Variants in MYCBP2 observed in about 807,000 individuals in gnomAD.
MYCBP2 encodes E3 ubiquitin-protein ligase MYCBP2.
MYCBP2 carries 120 observed loss-of-function variants against 525.3 expected under a neutral mutation model. The observed-to-expected ratio is 0.23, with a 90% confidence interval of 0.20 to 0.27. The LOEUF (loss-of-function observed/expected upper bound fraction) is 0.27. MYCBP2 is among the 10% of genes least tolerant of loss of function. The pLI, the probability that MYCBP2 is intolerant of heterozygous loss-of-function variation, is 1.00. For missense variants in MYCBP2, 4,149 were observed against 5,657.1 expected (o/e 0.73, Z 8.55); for synonymous variants, 1,894 against 1,955.8 (o/e 0.97, Z 0.83).
At chr13:77,086,264 T>C (rs1319249493) in intron 62 of MYCBP2, among the ~76,000 whole-genome samples, 1 of 152,168 alleles carries the variant, frequency 6.6e-6, no homozygotes, top group Non-Finnish European at 1.5e-5. Flanking sequence ...ACTGACAGCC[T>C]TTTAAACAAA....
intron 32 of MYCBP2, among the ~76,000 whole-genome samples, chr13:77,183,983 T>C (rs2060500983): frequency 6.6e-6 from 1 of 152,202 alleles, no homozygotes; most frequent in Non-Finnish European, 1.5e-5. Context: ...TTCTCTACTT[T>C]CTATTTCATT....
In MYCBP2 at chr13:77,098,030, C is replaced by A; in HGVS notation, c.9124G>T (p.Glu3042Ter). The change falls in exon 56 of 83, where the codon GAA becomes TAA. Residue 3042 changes from glutamate (E) to a stop codon, truncating the protein, a stop_gained. Coordinates refer to ENST00000544440, the MANE Select transcript of MYCBP2 (RefSeq NM_015057.5). LOFTEE classifies it high-confidence loss of function. The part of the protein sequence containing the change: ...RAVFASFLWH[E>*]GIVHDAMACS... The stretch of plus-strand genomic sequence containing the variant: ...GCCATTGCATCATGTACTATGCCTT[C>A]ATGCCAGAGGAAGGAAGCAAACACA... 6.2e-7 allele frequency: 1 copy of A among 1,613,646 alleles called. No individual in the cohort carries two copies. The highest frequency in any genetic ancestry group is 8.5e-7 in the Non-Finnish European group (1 of 1,179,790).
At chr13:77,048,037 A>C (rs1311706806) in intron 82 of MYCBP2, among the ~76,000 whole-genome samples, 1 of 151,786 alleles carries the variant, frequency 6.6e-6, no homozygotes, top group Non-Finnish European at 1.5e-5. Flanking sequence ...AGGACAAAGA[A>C]CTCCTGGCAT....
At chr13:77,226,630 G>A (rs2066314063) in intron 18 of MYCBP2, among the ~76,000 whole-genome samples, 1 of 152,074 alleles carries the variant, frequency 6.6e-6, no homozygotes, top group Non-Finnish European at 1.5e-5. Flanking sequence ...TATTTTCATT[G>A]TGCATTTTAG....
intron 55 of MYCBP2, among the ~76,000 whole-genome samples, chr13:77,120,950 GTAA>G (rs1272654438): frequency 4.6e-5 from 7 of 152,040 alleles, no homozygotes; most frequent in Non-Finnish European, 1.0e-4. Context: ...AAGCTCATGT[GTAA>G]TATTACTTAA....
intron 1 of MYCBP2, among the ~76,000 whole-genome samples, chr13:77,299,629 T>C (rs1274175028): frequency 1.3e-5 from 2 of 152,170 alleles, no homozygotes; most frequent in Non-Finnish European, 2.9e-5. Flanking sequence ...CCTTTCACAA[T>C]ATCTGAGGAT....
chr13:77,093,169 G>A lies in MYCBP2; in HGVS notation c.10363C>T (p.Pro3455Ser). The change falls in exon 59 of 83, where the codon CCA (proline) becomes TCA (serine). Residue 3455 changes from proline to serine, a missense_variant. By Grantham distance (74) the Pro-to-Ser change is moderately conservative. Transcript: ENST00000544440. ...EPESNMKSMP[P>S]SLETSPITDT... ...GACAGGAGAGAACTAAAATACCTTG[G>A]TGGCATAGACTTCATATTGCTCTCT... The A allele has an allele frequency of 1.2e-6, 2 of 1,607,090 alleles. No homozygotes were observed. Among genetic ancestry groups the A allele is most frequent in the South Asian group, 1.1e-5 (1 of 89,572 alleles).
At position 77,096,438 on chromosome 13, in the gene MYCBP2, C is replaced by T. The variant is rs554307705; in HGVS notation, c.9828G>A (p.Gly3276=). The part of the protein sequence containing the change: ...YAGGQGYNSI[G]HFCGGWAGNC... ...TACCAGCCCATCCTCCACAAAAATG[C>T]CCAATGCTATTGTAACCTTGTCCAC... Residue 3276 remains glycine (G), a synonymous_variant, in exon 57 of 83, where the codon GGG becomes GGA. Transcript: ENST00000544440. The T allele has an allele frequency of 1.2e-6, 2 of 1,613,338 alleles. No individual in the cohort carries two copies. Among genetic ancestry groups the T allele is most frequent in the South Asian group, 1.1e-5 (1 of 91,040 alleles).
intron 17 of MYCBP2, among the ~76,000 whole-genome samples, chr13:77,234,921 C>A (rs2067677913): frequency 6.6e-6 from 1 of 151,994 alleles, no homozygotes; most frequent in Non-Finnish European, 1.5e-5. Flanking sequence ...CACACCCACA[C>A]CCGTTTAATG....
chr13:77,260,939 C>G (rs989958586), intron 12 of MYCBP2, among the ~76,000 whole-genome samples: 1 of 152,072 alleles, frequency 6.6e-6, no homozygotes, highest in African/African-American at 2.4e-5. Context: ...TCTAAAATCT[C>G]CTTTTTTTCC....
intron 20 of MYCBP2, among the ~76,000 whole-genome samples, chr13:77,223,614 G>T (rs143427584): frequency 8.3e-4 from 126 of 152,304 alleles, no homozygotes; most frequent in African/African-American, 2.7e-3. Flanking sequence ...AGAAGCTGAT[G>T]AGGCAGTTCA....
chr13:77,274,640 G>A (rs920006270), intron 4 of MYCBP2, among the ~76,000 whole-genome samples: 1 of 152,094 alleles, frequency 6.6e-6, no homozygotes, highest in African/African-American at 2.4e-5. Context: ...CCCAAATTAA[G>A]TCCTGTTTAT....
chr13:77,294,135 T>TAC (rs1204446131), intron 2 of MYCBP2, among the ~76,000 whole-genome samples: 10 of 116,104 alleles, frequency 8.6e-5, no homozygotes, highest in Admixed American at 1.8e-4. Context: ...TATATACATA[T>TAC]ATATATACAT....
intron 52 of MYCBP2, among the ~76,000 whole-genome samples, chr13:77,130,109 C>A (rs1175425137): frequency 1.3e-5 from 2 of 151,624 alleles, no homozygotes; most frequent in African/African-American, 4.8e-5. Flanking sequence ...CTATATTTAT[C>A]TGATTTGAAA....
chr13:77,052,921 G>C (rs1424247406), intron 80 of MYCBP2, among the ~76,000 whole-genome samples: 1 of 152,162 alleles, frequency 6.6e-6, no homozygotes, highest in East Asian at 1.9e-4. Context: ...TTGAGCTCAG[G>C]AGTTCAAGAC....
chr13:77,215,568 T>C (rs187007527), intron 21 of MYCBP2, among the ~76,000 whole-genome samples: 1 of 152,286 alleles, frequency 6.6e-6, no homozygotes. Context: ...GGATTGGAAG[T>C]AGAAGTCACA....
chr13:77,178,814 A>T (rs1440224809), intron 34 of MYCBP2, among the ~76,000 whole-genome samples: 1 of 152,172 alleles, frequency 6.6e-6, no homozygotes, highest in Non-Finnish European at 1.5e-5. Context: ...ATTCCTTTTC[A>T]TTGGAAAGGT....
chr13:77,243,737 T>A, intron 16 of MYCBP2, 69 bp downstream of exon 16: 2 of 1,355,170 alleles, frequency 1.5e-6, no homozygotes, highest in Non-Finnish European at 2.0e-6. Context: ...TAAAAGAAAT[T>A]GTTTAAACTG....
chr13:77,088,384 T>A (rs2044742105), intron 61 of MYCBP2, among the ~76,000 whole-genome samples: 1 of 152,118 alleles, frequency 6.6e-6, no homozygotes, highest in Non-Finnish European at 1.5e-5. Flanking sequence ...TCACATTTGA[T>A]AAAAACACAG....
Sources: allele counts gnomAD v4.1 joint callset (sites outside exome capture counted in the v4.1 genomes callset), GRCh38; gene constraint gnomAD v4.1.1; transcripts MANE v1.5; gene names NCBI Gene and HGNC (gene_info 2026-07-23, HGNC 2026-07-21).